Variants in ALX1 observed in about 807,000 individuals in gnomAD.
ALX1 encodes the protein ALX homeobox protein 1.
A neutral mutation model predicts 31.7 loss-of-function variants in ALX1; 19 were observed. The ratio of observed to expected loss-of-function variants is 0.60; its 90% CI spans 0.42 to 0.88. The LOEUF is 0.88. Ranked by LOEUF, ALX1 falls within the 40% of genes least tolerant of loss-of-function variation. ALX1 has a pLI of 0.00. For missense variants in ALX1, 415 were observed against 407.8 expected (o/e 1.02, Z -0.15); for synonymous variants, 153 against 148.8 (o/e 1.03, Z -0.20).
At chr12:85,282,883 C>A (rs867211982) in intron 1 of ALX1, among the ~76,000 whole-genome samples, 1 of 146,600 alleles carries the variant, frequency 6.8e-6, no homozygotes, top group Admixed American at 6.6e-5. Context: ...AAAAGAACTG[C>A]GTAAGTTTTT....
intron 2 of ALX1, among the ~76,000 whole-genome samples, chr12:85,286,196 AC>A (rs1896744471): frequency 6.6e-6 from 1 of 151,892 alleles, no homozygotes; most frequent in African/African-American, 2.4e-5. Flanking sequence ...GTATTTTAAA[AC>A]CATAGTTCAA....
chr12:85,298,817 G>C (rs755737865), intron 3 of ALX1, among the ~76,000 whole-genome samples: 2 of 151,740 alleles, frequency 1.3e-5, no homozygotes, highest in African/African-American at 2.4e-5. Context: ...TAACGTGCTT[G>C]ATCATGTCCA....
At chr12:85,283,377 G>C (rs534855289) in intron 1 of ALX1, among the ~76,000 whole-genome samples, 195 bp from the exon 2 acceptor site, 1 of 152,274 alleles carries the variant, frequency 6.6e-6, no homozygotes, top group East Asian at 1.9e-4. Flanking sequence ...GCAGTTGCAT[G>C]AACACATTTT....
chr12:85,295,911 T>G (rs1052303638), intron 3 of ALX1, among the ~76,000 whole-genome samples: 1 of 151,594 alleles, frequency 6.6e-6, no homozygotes, highest in African/African-American at 2.4e-5. Flanking sequence ...ACTTACATAT[T>G]TTCATGTTTA....
chr12:85,301,131 T>C (rs752315681), intron 3 of ALX1, 24 bp from the exon 4 acceptor site: 1 of 1,611,694 alleles, frequency 6.2e-7, no homozygotes, highest in Non-Finnish European at 8.5e-7. Context: ...GTAAATGTAA[T>C]ATTTGTTGTT....
chr12:85,295,112 T>A, intron 3 of ALX1, among the ~76,000 whole-genome samples: 1 of 151,398 alleles, frequency 6.6e-6, no homozygotes, highest in East Asian at 1.9e-4. Flanking sequence ...CTCAGATTAA[T>A]CTTTTCATTG....
rs1009161998 is a variant in ALX1 at position 85,283,565 on chromosome 12, G to A, written c.227-7G>A. The A allele has an allele frequency of 1.2e-6, 2 of 1,613,812 alleles. No homozygotes were observed. The highest frequency in any genetic ancestry group is 2.2e-5 in the South Asian group (2 of 91,074). ...GAGAACTGTTGTTTTTCCTCCTCTG[G>A]GTACAGTGAACTATGGGATCACTAA... On this transcript the variant is annotated splice_region_variant and splice_polypyrimidine_tract_variant and intron_variant, in intron 1 of 3. Transcript: ENST00000316824.
intron 2 of ALX1, 50 bp downstream of exon 2, chr12:85,283,926 G>A (rs1338896775): frequency 6.3e-6 from 10 of 1,589,498 alleles, no homozygotes; most frequent in Non-Finnish European, 7.8e-6. Flanking sequence ...AATAAATGGT[G>A]TTAGAATAAT....
chr12:85,282,309 T>C (rs1424838269), intron 1 of ALX1, among the ~76,000 whole-genome samples: 1 of 152,170 alleles, frequency 6.6e-6, no homozygotes, highest in African/African-American at 2.4e-5. Flanking sequence ...ATGTTAAGTT[T>C]TTTTAATGCA....
At chr12:85,286,816 T>G in intron 2 of ALX1, 37 bp from the exon 3 acceptor site, 1 of 1,511,522 alleles carries the variant, frequency 6.6e-7, no homozygotes, top group Non-Finnish European at 9.0e-7. Flanking sequence ...TATCAAATAT[T>G]CCTTAGCTAA....
Position 85,284,922 on chromosome 12 carries a change from G to A in ALX1, c.531+1046G>A, listed in dbSNP as rs1896729053. 3.3e-5 allele frequency among the ~76,000 whole-genome samples: 5 copies of A among 151,888 alleles called. No homozygotes were observed. The South Asian group carries it at 1.0e-3, about 31-fold the overall frequency. On this transcript the variant is annotated intron_variant, in intron 2 of 3. Coordinates refer to ENST00000316824, the MANE Select transcript of ALX1 (RefSeq NM_006982.3). ...ACGGTATTTCTTCTTAAAATTGTAA[G>A]GCTCTTACATCATTAGAGACAACAT...
At chr12:85,297,818 C>G (rs1896909606) in intron 3 of ALX1, among the ~76,000 whole-genome samples, 1 of 151,534 alleles carries the variant, frequency 6.6e-6, no homozygotes, top group Non-Finnish European at 1.5e-5. Flanking sequence ...AAGAACTTCC[C>G]AGGTAAATGC....
chr12:85,285,709 A>G (rs147294423), intron 2 of ALX1, among the ~76,000 whole-genome samples: 30 of 152,144 alleles, frequency 2.0e-4, no homozygotes, highest in African/African-American at 7.0e-4. Flanking sequence ...GTAAACTTCA[A>G]CAAAAGGCTT....
chr12:85,282,285 T>C (rs909082318), intron 1 of ALX1, among the ~76,000 whole-genome samples: 1 of 152,146 alleles, frequency 6.6e-6, no homozygotes, highest in Non-Finnish European at 1.5e-5. Flanking sequence ...TATATATTTA[T>C]GGGGTACAAA....
In ALX1 at chr12:85,294,783, AT is replaced by A. The variant is rs771815671; in HGVS notation, c.661-6362del. Among the ~76,000 whole-genome samples, 139 of 146,886 alleles carry A rather than the reference AT, an allele frequency of 9.5e-4. 1 individual carries two copies. The highest frequency in any genetic ancestry group is 7.9e-3 in the South Asian group (37 of 4,690). ...CATATGGGTGTGATATTTAATGGTG[AT>A]TTTTTTTTTAATGGAAAAGTCACCT... is the stretch of plus-strand genomic sequence containing the variant. On this transcript the variant is annotated intron_variant, in intron 3 of 3. Transcript: ENST00000316824.
At chr12:85,294,780 G>A (rs906078677) in intron 3 of ALX1, among the ~76,000 whole-genome samples, 1 of 150,174 alleles carries the variant, frequency 6.7e-6, no homozygotes, top group African/African-American at 2.4e-5. Context: ...ATATTTAATG[G>A]TGATTTTTTT....
chr12:85,292,217 G>GA (rs1239284321), intron 3 of ALX1, among the ~76,000 whole-genome samples: 1 of 150,908 alleles, frequency 6.6e-6, no homozygotes, highest in African/African-American at 2.4e-5. Context: ...ACTATGTAGG[G>GA]ATCTAGGGAA....
At chr12:85,289,648 A>G (rs1459098750) in intron 3 of ALX1, among the ~76,000 whole-genome samples, 1 of 151,322 alleles carries the variant, frequency 6.6e-6, no homozygotes, top group Non-Finnish European at 1.5e-5. Flanking sequence ...AATACCATGA[A>G]GTCCATAGTA....
intron 3 of ALX1, among the ~76,000 whole-genome samples, chr12:85,298,751 C>T (rs1306900675): frequency 3.3e-5 from 5 of 151,786 alleles, no homozygotes; most frequent in Non-Finnish European, 5.9e-5. Flanking sequence ...CCAGTCTGTT[C>T]TGCCCAGAAA....
Sources: gnomAD v4.1 joint callset for allele counts (sites outside exome capture counted in the v4.1 genomes callset) on GRCh38, gnomAD v4.1.1 for gene constraint, MANE v1.5 for transcripts, NCBI Gene and HGNC (gene_info 2026-07-23, HGNC 2026-07-21) for gene names.